The following EIF4E3 variants were observed in gnomAD, a reference collection of about 807,000 sequenced individuals.
EIF4E3 encodes eukaryotic translation initiation factor 4E family member 3.
A neutral mutation model predicts 31.7 loss-of-function variants in EIF4E3; 26 were observed. The ratio of observed to expected loss-of-function variants is 0.82; its 90% CI spans 0.60 to 1.14. The LOEUF is 1.14. Among genes scored for constraint, EIF4E3 ranks in the 50% most tolerant of loss-of-function variants. EIF4E3 has a pLI of 0.00. For missense variants in EIF4E3, 304 were observed against 270.9 expected, an observed-to-expected ratio of 1.12 and a Z score of -0.86; for synonymous variants, 128 against 107.7, an observed-to-expected ratio of 1.19 and a Z score of -1.17.
upstream of EIF4E3, chr3:71,725,418 C>T: frequency 2.1e-6 from 2 of 973,436 alleles, no homozygotes; most frequent in East Asian, 1.2e-4. The surrounding 1 kb of genome is among the most constrained non-coding windows in gnomAD (Gnocchi z 6.1). Flanking sequence ...GCGGGGCGAG[C>T]GCGGCTGAGT....
At chr3:71,754,694 G>T, upstream of EIF4E3, 1 of 1,493,894 alleles carries the variant, frequency 6.7e-7, no homozygotes. The surrounding 1 kb of genome is among the most constrained non-coding windows in gnomAD (Gnocchi z 5.8). Flanking sequence ...GCAAGATGCG[G>T]CCCGCGCGCC....
At chr3:71,737,184 C>T (rs899127112) in intron 1 of EIF4E3, among the ~76,000 whole-genome samples, 23 of 152,174 alleles carry the variant, frequency 1.5e-4, no homozygotes, top group Admixed American at 1.1e-3. Flanking sequence ...CCTAAGTCTG[C>T]CTGTGCTCCT....
intron 1 of EIF4E3, among the ~76,000 whole-genome samples, chr3:71,752,551 G>C (rs1315260740): frequency 6.6e-6 from 1 of 151,368 alleles, no homozygotes; most frequent in African/African-American, 2.4e-5. Flanking sequence ...TTTCTGCACA[G>C]AAGAAAAAAC....
the EIF4E3 span, among the ~76,000 whole-genome samples, chr3:71,666,018 C>T: frequency 1.3e-5 from 2 of 151,974 alleles, no homozygotes; most frequent in Non-Finnish European, 2.9e-5. Context: ...AAATCGACAC[C>T]CTAACATCAC....
intron 3 of EIF4E3, among the ~76,000 whole-genome samples, chr3:71,697,446 T>C (rs2049155108): frequency 2.0e-5 from 3 of 152,228 alleles, no homozygotes; most frequent in Non-Finnish European, 4.4e-5. Context: ...TCTACTCTTT[T>C]AGTTATTTCA....
chr3:71,754,486 C>T (rs969931994), upstream of EIF4E3: 4 of 1,298,888 alleles, frequency 3.1e-6, no homozygotes, highest in Non-Finnish European at 2.9e-6. The surrounding 1 kb of genome is among the most constrained non-coding windows in gnomAD (Gnocchi z 5.8). Flanking sequence ...CTGGTGTGCG[C>T]CGCCTGGGCG....
rs1226886557 is a variant in EIF4E3 at position 71,678,801 on chromosome 3, C to A, written c.*5881G>T. On this transcript the variant is annotated 3_prime_UTR_variant, in exon 7 of 7. Transcript: ENST00000425534. ...CCTGGTTCAACTTACACAGGTAAGA[C>A]TATTCTAAAGAATTAATAACTTTCA... 6.6e-6 allele frequency: 1 copy of A among 152,130 alleles called. No individual in the cohort carries two copies. The highest frequency in any genetic ancestry group is 2.1e-4 in the South Asian group (1 of 4,830). The allele number at this position is 152,130 out of a possible 1,614,324, so 9.4% of individuals were successfully genotyped here.
chr3:71,717,709 A>C (rs1303400357), intron 1 of EIF4E3, among the ~76,000 whole-genome samples: 1 of 152,188 alleles, frequency 6.6e-6, no homozygotes, highest in African/African-American at 2.4e-5. Context: ...TTGGAGTCAT[A>C]CAGTCCTAAT....
intron 1 of EIF4E3, among the ~76,000 whole-genome samples, chr3:71,723,312 T>C (rs555465719): frequency 6.6e-6 from 1 of 152,310 alleles, no homozygotes; most frequent in African/African-American, 2.4e-5. Flanking sequence ...TCAATAAAAA[T>C]TATGAGTTGT....
intron 1 of EIF4E3, among the ~76,000 whole-genome samples, chr3:71,717,428 T>C (rs2049482257): frequency 1.3e-5 from 2 of 152,244 alleles, no homozygotes; most frequent in Admixed American, 1.3e-4. Flanking sequence ...TATCCTTATA[T>C]GTGAAGGACA....
chr3:71,662,018 T>C, the EIF4E3 span, among the ~76,000 whole-genome samples: 1 of 152,194 alleles, frequency 6.6e-6, no homozygotes, highest in Non-Finnish European at 1.5e-5. Flanking sequence ...AGCGAATACA[T>C]GTAATTTGTA....
Position 71,745,818 on chromosome 3 carries a change from G to A in EIF4E3, c.-291+7645C>T, listed in dbSNP as rs139693826. 4.6e-5 allele frequency among the ~76,000 whole-genome samples: 7 copies of A among 152,166 alleles called. No homozygotes were observed. In the East Asian group the frequency reaches 1.2e-3, roughly 25 times the overall value. On this transcript the variant is annotated intron_variant, in intron 1 of 7. Coordinates refer to the EIF4E3 transcript ENST00000295612. ...TAGTAAATATAATGCAAAAGAAAGG[G>A]GCCACATTTTTTAAGAAGGCCTTTT...
chr3:71,701,137 A>G (rs967666823), intron 2 of EIF4E3, among the ~76,000 whole-genome samples: 1 of 152,194 alleles, frequency 6.6e-6, no homozygotes, highest in Non-Finnish European at 1.5e-5. Flanking sequence ...TGCCCAGTCT[A>G]TGGTATTTGG....
chr3:71,720,128 T>C (rs1020114090), intron 1 of EIF4E3, among the ~76,000 whole-genome samples: 3 of 150,392 alleles, frequency 2.0e-5, no homozygotes, highest in African/African-American at 7.4e-5. Flanking sequence ...AAAAAAAAAG[T>C]AGGGAATCTT....
chr3:71,680,534 AG>A lies in EIF4E3; in HGVS notation c.*4147del, dbSNP rs1232178272. 1 of 152,212 alleles carries A rather than the reference AG, an allele frequency of 6.6e-6. No homozygotes were observed. The highest frequency in any genetic ancestry group is 6.5e-5 in the Admixed American group (1 of 15,280). 9.4% of individuals were successfully genotyped at this position (152,212 alleles called of 1,614,324 possible). On this transcript the variant is annotated 3_prime_UTR_variant, in exon 7 of 7. Coordinates refer to ENST00000425534, the MANE Select transcript of EIF4E3 (RefSeq NM_001134651.2). ...ACACAAGACAGTGACTTTTGGCCTG[AG>A]TGGGCCAATCTGAATAAGTATTCTT...
chr3:71,724,271 G>A (rs2049594169), intron 1 of EIF4E3, among the ~76,000 whole-genome samples: 1 of 152,146 alleles, frequency 6.6e-6, no homozygotes, highest in South Asian at 2.1e-4. Context: ...TCTTACTAGG[G>A]ACCAGGCACA....
chr3:71,746,901 G>A lies in EIF4E3; in HGVS notation c.-291+6562C>T, dbSNP rs537464634. On this transcript the variant is annotated intron_variant, in intron 1 of 7. Coordinates refer to the EIF4E3 transcript ENST00000295612. ...GTACAATATGTGGTCTTTCGTGTTT[G>A]ACTTCTTTCATTGAGCACAGTATTT... Among the ~76,000 whole-genome samples the A allele has an allele frequency of 2.0e-5, 3 of 152,276 alleles. No individual in the cohort carries two copies. In the East Asian group the frequency reaches 5.8e-4, roughly 29 times the overall value.
chr3:71,749,160 C>T (rs1220268455), intron 1 of EIF4E3, among the ~76,000 whole-genome samples: 1 of 152,222 alleles, frequency 6.6e-6, no homozygotes, highest in African/African-American at 2.4e-5. Flanking sequence ...ATTGAATCTT[C>T]CCACAATGGG....
intron 1 of EIF4E3, among the ~76,000 whole-genome samples, chr3:71,722,269 T>C (rs1039870193): frequency 3.3e-5 from 5 of 152,180 alleles, no homozygotes; most frequent in African/African-American, 7.2e-5. Context: ...GTGTATTACA[T>C]TGGACATCCA....
Sources: gnomAD v4.1 joint callset for allele counts (sites outside exome capture counted in the v4.1 genomes callset) on GRCh38, gnomAD v4.1.1 for gene constraint, Gnocchi (gnomAD v3.1) non-coding constraint, MANE v1.5 for transcripts, NCBI Gene and HGNC (gene_info 2026-07-23, HGNC 2026-07-21) for gene names.